The following KCNAB3 variants were observed in gnomAD, a reference collection of about 807,000 sequenced individuals.
KCNAB3 encodes potassium voltage-gated channel subfamily A regulatory beta subunit 3, also known as voltage-gated potassium channel subunit beta-3.
Under a neutral mutation model 67.7 loss-of-function variants are expected in KCNAB3, and 62 were observed. That is an observed-to-expected ratio of 0.92 (90% CI 0.75 to 1.13). The LOEUF (loss-of-function observed/expected upper bound fraction) is 1.13. KCNAB3 is among the 50% of genes most tolerant of loss of function. The pLI is 0.00. For synonymous variants in KCNAB3, 212 were observed against 205.4 expected (o/e 1.03, Z -0.27); for missense variants, 514 against 522.9 (o/e 0.98, Z 0.17).
chr17:7,928,341 T>G (rs1036326385), intron 1 of KCNAB3: 5 of 175,704 alleles, frequency 2.8e-5, no homozygotes, highest in African/African-American at 1.2e-4. Context: ...AAAGGCAGAT[T>G]GAGGACCTGG....
Position 7,929,354 on chromosome 17 carries a change from G to A in KCNAB3, c.82C>T (p.Pro28Ser). The change falls in exon 1 of 14, where the codon CCC (proline) becomes TCC (serine). Residue 28 changes from proline (P) to serine (S), a missense_variant. By Grantham distance (74) the Pro-to-Ser change is moderately conservative (BLOSUM62 -1). Coordinates refer to ENST00000303790, the MANE Select transcript of KCNAB3 (RefSeq NM_004732.4). This position sits in a 1 kb window ranked among gnomAD's most constrained non-coding sequence, Gnocchi z 5.7. The stretch of plus-strand genomic sequence containing the variant: ...GCCGGCCCACCATTACCGCCCCCGG[G>A]GCCCGGCCGGGGTCCACACAGACGG... ...EDRLCGPRPG[P>S]GGGNGGPAGG... 1 of 1,549,250 alleles carries A rather than the reference G, an allele frequency of 6.5e-7. No individual in the cohort carries two copies. The highest frequency in any genetic ancestry group is 8.7e-7 in the Non-Finnish European group (1 of 1,146,680).
chr17:7,927,600 C>T, intron 3 of KCNAB3, 57 bp downstream of exon 3: 2 of 1,603,226 alleles, frequency 1.2e-6, no homozygotes, highest in Non-Finnish European at 1.7e-6. Context: ...GGTTCACTTC[C>T]CTTTTTTCAA....
rs761330286 is a variant in KCNAB3 at position 7,924,368 on chromosome 17, G to C, written c.711+47C>G. Reference sequence around the variant, plus strand: ...GGGCTTTGGAGTAACCACGTGAAAAGTGGGAACCAGTTGTGGGACAGGGGC... The same window carrying C: ...GGGCTTTGGAGTAACCACGTGAAAACTGGGAACCAGTTGTGGGACAGGGGC... On this transcript the variant is annotated intron_variant, in intron 9 of 13. Transcript: ENST00000303790. 4.3e-6 allele frequency: 7 copies of C among 1,609,210 alleles called. No individual in the cohort carries two copies. In the East Asian group the frequency reaches 1.3e-4, roughly 31 times the overall value.
rs1033543877 is a variant in KCNAB3, at chr17:7,929,304, C to T, written c.132G>A (p.Pro44=). Residue 44 remains proline (P), a synonymous_variant, in exon 1 of 14, where the codon CCG becomes CCA. Transcript: ENST00000303790. The surrounding 1 kb of genome is among the most constrained non-coding windows in gnomAD (Gnocchi z 5.7). ...GPAGGGHGNP[P]GGGGSGPKAR... is the part of the protein sequence containing the mutation. ...CCTTGGGGCCAGACCCTCCACCCCC[C>T]GGAGGATTCCCGTGCCCCCCGCCGG... 13 of 1,567,096 alleles carry T rather than the reference C, an allele frequency of 8.3e-6. No homozygotes were observed. Among genetic ancestry groups the T allele is most frequent in the Non-Finnish European group, 1.1e-5 (13 of 1,156,742 alleles).
chr17:7,923,980 C>G lies in KCNAB3; in HGVS notation c.915G>C (p.Arg305Ser). The change falls in exon 11 of 14, where the codon AGG becomes AGC. Residue 305 changes from arginine (R) to serine (S), a missense_variant. By Grantham distance (110) the Arg-to-Ser change is moderately radical. Coordinates refer to ENST00000303790, the MANE Select transcript of KCNAB3 (RefSeq NM_004732.4). ...KYDGRVPDTC[R>S]ASIKGYQWLK... The stretch of plus-strand genomic sequence containing the variant: ...CCCCAGATCTCACCTTGATGGAGGC[C>G]CTGCAAGTATCTGGGACTCGCCCAT... 1 of 1,613,458 alleles carries G rather than the reference C, an allele frequency of 6.2e-7. No homozygotes were observed. The highest frequency in any genetic ancestry group is 8.5e-7 in the Non-Finnish European group (1 of 1,179,854).
chr17:7,929,615 G>T lies in KCNAB3; in HGVS notation c.-180C>A. 8 of 1,431,944 alleles carry T rather than the reference G, an allele frequency of 5.6e-6. No individual in the cohort carries two copies. In the East Asian group the frequency reaches 1.6e-4, roughly 28 times the overall value. The allele number at this position is 1,431,944 out of a possible 1,614,324, so 88.7% of individuals were successfully genotyped here. ...CCGCGGGGGCGGGCTGCTGGAGGTC[G>T]CGAGGTTTGCGGCGGGAGGGAAGAA... On this transcript the variant is annotated 5_prime_UTR_variant, in exon 1 of 14. Transcript: ENST00000303790. The surrounding 1 kb of genome is among the most constrained non-coding windows in gnomAD (Gnocchi z 5.7).
chr17:7,923,430 G>A (rs748946773), intron 13 of KCNAB3, 26 bp downstream of exon 13: 1 of 1,593,144 alleles, frequency 6.3e-7, no homozygotes, highest in Non-Finnish European at 8.6e-7. Context: ...GGACAGATAG[G>A]CTCTGCCTCT....
At position 7,922,629 on chromosome 17, in the gene KCNAB3, T is replaced by C. The variant is rs1335838900; in HGVS notation, c.*473A>G. 6.1e-6 allele frequency: 1 copy of C among 162,798 alleles called. No individual in the cohort carries two copies. Among genetic ancestry groups the C allele is most frequent in the Non-Finnish European group, 1.4e-5 (1 of 73,456 alleles). The allele number at this position is 162,798 out of a possible 1,614,324, so 10.1% of individuals were successfully genotyped here. Reference sequence around the variant, plus strand: ...CCAGCCTGGCTTCCTTCGTACCGAATACGCTAAGAGCCCCATTTCCTATGT... The same window carrying C: ...CCAGCCTGGCTTCCTTCGTACCGAACACGCTAAGAGCCCCATTTCCTATGT... On this transcript the variant is annotated 3_prime_UTR_variant, in exon 14 of 14. Coordinates refer to ENST00000303790, the MANE Select transcript of KCNAB3 (RefSeq NM_004732.4).
intron 3 of KCNAB3, 95 bp from the exon 4 acceptor site, chr17:7,927,518 G>C: frequency 6.6e-7 from 1 of 1,508,022 alleles, no homozygotes; most frequent in Non-Finnish European, 9.2e-7. Context: ...GGGTTCTCTA[G>C]TCTCTCCCCT....
chr17:7,926,751 C>T (rs1972245851), intron 4 of KCNAB3, among the ~76,000 whole-genome samples: 1 of 152,162 alleles, frequency 6.6e-6, no homozygotes, highest in Non-Finnish European at 1.5e-5. Flanking sequence ...CCAGAAGCAG[C>T]ACCTGCTCTG....
intron 4 of KCNAB3, 94 bp from the exon 5 acceptor site, chr17:7,926,197 A>G: frequency 3.5e-6 from 5 of 1,447,998 alleles, no homozygotes; most frequent in Non-Finnish European, 3.9e-6. Flanking sequence ...AAAGTAGGAT[A>G]TAAACCAGGA....
chr17:7,929,502 G>A lies in KCNAB3; in HGVS notation c.-67C>T, dbSNP rs146495729. On this transcript the variant is annotated 5_prime_UTR_variant, in exon 1 of 14. Transcript: ENST00000303790. The surrounding 1 kb of genome is among the most constrained non-coding windows in gnomAD (Gnocchi z 5.7). ...GAGGGGGGAGCAGGGAAGCCCGAGG[G>A]CTGACGACCGGGGGCGTAGTGGGGC... is the stretch of plus-strand genomic sequence containing the variant. 0.017 allele frequency: 25,953 copies of A among 1,535,524 alleles called. 374 individuals carry two copies. The highest frequency in any genetic ancestry group is 0.046 in the South Asian group (3,799 of 83,214).
chr17:7,927,980 A>G, intron 1 of KCNAB3, 154 bp from the exon 2 acceptor site: 1 of 829,436 alleles, frequency 1.2e-6, no homozygotes, highest in Non-Finnish European at 2.0e-6. Flanking sequence ...GGCAAGTGCT[A>G]TCTCCAGAGC....
At chr17:7,924,884 A>G in intron 8 of KCNAB3, 1 of 571,758 alleles carries the variant, frequency 1.7e-6, no homozygotes, top group Non-Finnish European at 3.0e-6. Context: ...CTGGGAGTAC[A>G]AGGCACACAC....
intron 2 of KCNAB3, 40 bp from the exon 3 acceptor site, chr17:7,927,734 C>T: frequency 6.2e-7 from 1 of 1,614,138 alleles, no homozygotes; most frequent in Non-Finnish European, 8.5e-7. Flanking sequence ...CTGCAGGGGG[C>T]AGACCATGAA....
intron 8 of KCNAB3, chr17:7,924,705 C>G: frequency 7.4e-7 from 1 of 1,353,228 alleles, no homozygotes; most frequent in African/African-American, 1.5e-5. Flanking sequence ...TGAGCAGGGG[C>G]TGGCTTCCTG....
chr17:7,924,876 G>T, intron 8 of KCNAB3: 1 of 565,516 alleles, frequency 1.8e-6, no homozygotes, highest in East Asian at 3.3e-5. Flanking sequence ...CTGAACAGCT[G>T]GGAGTACAAG....
Position 7,929,531 on chromosome 17 carries a change from C to A in KCNAB3, c.-96G>T. 2 of 1,524,092 alleles carry A rather than the reference C, an allele frequency of 1.3e-6. No individual in the cohort carries two copies. The highest frequency in any genetic ancestry group is 1.2e-5 in the South Asian group (1 of 81,378). The allele number at this position is 1,524,092 out of a possible 1,614,324, so 94.4% of individuals were successfully genotyped here. On this transcript the variant is annotated 5_prime_UTR_variant, in exon 1 of 14. Coordinates refer to ENST00000303790, the MANE Select transcript of KCNAB3 (RefSeq NM_004732.4). This position sits in a 1 kb window ranked among gnomAD's most constrained non-coding sequence, Gnocchi z 5.7. The stretch of plus-strand genomic sequence containing the variant: ...ACGACCGGGGGCGTAGTGGGGCGAA[C>A]CCCGGCAGAGCGGGAAGGCTGAGGA...
rs1972339305 is a variant in KCNAB3, at chr17:7,929,167, G to C, written c.242+27C>G. On this transcript the variant is annotated intron_variant, in intron 1 of 13. Coordinates refer to ENST00000303790, the MANE Select transcript of KCNAB3 (RefSeq NM_004732.4). This position sits in a 1 kb window ranked among gnomAD's most constrained non-coding sequence, Gnocchi z 5.7. Reference sequence around the variant, plus strand: ...AGGGGTCCCGAAAGGAAAGCGGAAGGGGTGGGCTGCCCGGCCACCCCCATA... The same window carrying C: ...AGGGGTCCCGAAAGGAAAGCGGAAGCGGTGGGCTGCCCGGCCACCCCCATA... 1 of 1,610,028 alleles carries C rather than the reference G, an allele frequency of 6.2e-7. No individual in the cohort carries two copies. The highest frequency in any genetic ancestry group is 8.5e-7 in the Non-Finnish European group (1 of 1,178,958).
Sources: allele counts gnomAD v4.1 joint callset (sites outside exome capture counted in the v4.1 genomes callset), GRCh38; gene constraint gnomAD v4.1.1; non-coding constraint Gnocchi (gnomAD v3.1); transcripts MANE v1.5; gene names NCBI Gene and HGNC (gene_info 2026-07-23, HGNC 2026-07-21).